The following SEC31A variants were observed in gnomAD, a reference collection of about 807,000 sequenced individuals.
SEC31A encodes the protein protein transport protein Sec31A.
A neutral mutation model predicts 151.0 loss-of-function variants in SEC31A; 70 were observed. The ratio of observed to expected loss-of-function variants is 0.46; its 90% CI spans 0.38 to 0.57. The LOEUF (loss-of-function observed/expected upper bound fraction) is 0.57. SEC31A is among the 20% of genes least tolerant of loss of function. The pLI is 0.00. For synonymous variants in SEC31A, 475 were observed against 505.9 expected, an observed-to-expected ratio of 0.94 and a Z score of 0.82; for missense variants, 1,330 against 1,471.2, an observed-to-expected ratio of 0.90 and a Z score of 1.57.
intron 22 of SEC31A, among the ~76,000 whole-genome samples, chr4:82,837,156 A>ATC (rs1484918366): frequency 1.3e-5 from 1 of 77,426 alleles, no homozygotes; most frequent in Non-Finnish European, 2.5e-5. Flanking sequence ...AATAAATTTT[A>ATC]TCATATATAT....
chr4:82,865,931 G>GGTTAA (rs1244988922), intron 10 of SEC31A, among the ~76,000 whole-genome samples: 2 of 151,652 alleles, frequency 1.3e-5, no homozygotes, highest in Non-Finnish European at 2.9e-5. Context: ...ATTTTAAAAT[G>GGTTAA]GTTAAGATAG....
chr4:82,886,730 C>T (rs1004320688), intron 1 of SEC31A, among the ~76,000 whole-genome samples: 2 of 152,148 alleles, frequency 1.3e-5, no homozygotes, highest in African/African-American at 2.4e-5. Flanking sequence ...AAATACTCCC[C>T]GACAAGTTTG....
intron 1 of SEC31A, among the ~76,000 whole-genome samples, chr4:82,883,896 C>CT (rs1228096191): frequency 1.4e-4 from 21 of 150,216 alleles, no homozygotes; most frequent in Non-Finnish European, 2.4e-4. Flanking sequence ...TGTATAACAT[C>CT]TTTTTTTTGT....
At chr4:82,895,374 C>G (rs1423295361), upstream of SEC31A, 4 of 152,160 alleles carry the variant, frequency 2.6e-5, no homozygotes, top group African/African-American at 9.7e-5. Context: ...GGAAGCTGGG[C>G]CACAATAACT....
chr4:82,871,041 A>T (rs1304510896), intron 7 of SEC31A, among the ~76,000 whole-genome samples: 1 of 152,170 alleles, frequency 6.6e-6, no homozygotes, highest in Non-Finnish European at 1.5e-5. Flanking sequence ...AAAATCAGCC[A>T]GTTATGGTGG....
At chr4:82,826,286 C>T (rs189701933) in intron 24 of SEC31A, among the ~76,000 whole-genome samples, 20 of 152,202 alleles carry the variant, frequency 1.3e-4, no homozygotes, top group Admixed American at 1.2e-3. Flanking sequence ...ACCATTTCTT[C>T]TCATCTTTGT....
intron 11 of SEC31A, among the ~76,000 whole-genome samples, chr4:82,863,867 G>A (rs578095094): frequency 3.5e-4 from 53 of 152,060 alleles, no homozygotes; most frequent in Admixed American, 1.5e-3. Flanking sequence ...AACCAGTACC[G>A]TATAAAGAAA....
In SEC31A at chr4:82,859,702, A is replaced by T. The variant is rs982004984; in HGVS notation, c.1626+1929T>A. On this transcript the variant is annotated intron_variant, in intron 14 of 26. Transcript: ENST00000395310. The stretch of plus-strand genomic sequence containing the variant: ...AGAAGCATTTGGAATTTAAAAACTA[A>T]AAGAAATTAAGAATTTAAGTTATTC... 2.4e-4 allele frequency among the ~76,000 whole-genome samples: 37 copies of T among 152,344 alleles called. 1 individual carries two copies. The highest frequency in any genetic ancestry group is 8.4e-4 in the African/African-American group (35 of 41,584).
intron 18 of SEC31A, among the ~76,000 whole-genome samples, chr4:82,852,463 C>T (rs890167311): frequency 1.3e-5 from 2 of 152,198 alleles, no homozygotes; most frequent in African/African-American, 4.8e-5. Flanking sequence ...GGGAGCTATG[C>T]TTCTGGTAGA....
intron 3 of SEC31A, among the ~76,000 whole-genome samples, chr4:82,896,780 C>A (rs1720080021): frequency 6.6e-6 from 1 of 152,152 alleles, no homozygotes; most frequent in Admixed American, 6.5e-5. Flanking sequence ...TGTCCAATTT[C>A]TTCTGTGCAG....
At chr4:82,820,807 A>C (rs901925967) in intron 26 of SEC31A, among the ~76,000 whole-genome samples, 14 of 152,096 alleles carry the variant, frequency 9.2e-5, no homozygotes, top group African/African-American at 3.4e-4. Context: ...TCTTGTTATG[A>C]GAGGGTTAAA....
intron 22 of SEC31A, among the ~76,000 whole-genome samples, chr4:82,841,066 A>G (rs1728609656): frequency 6.6e-6 from 1 of 152,194 alleles, no homozygotes; most frequent in Admixed American, 6.6e-5. Flanking sequence ...CTCTTTTGTA[A>G]TAACACTTAG....
At position 82,864,373 on chromosome 4, in the gene SEC31A, A is replaced by G. The variant is rs2149511994; in HGVS notation, c.1423T>C (p.Ser475Pro). The change falls in exon 11 of 27, where the codon TCC becomes CCC. Residue 475 changes from serine to proline, a missense_variant. Transcript: ENST00000395310. ...AACAGCAACTTTACCTTCAAAAAGG[A>G]CCACACATTTTTCTCAAATTCAGTC... ...SQTEFEKNVW[S>P]FLKVNFEDDS... The G allele has an allele frequency of 6.2e-7, 1 of 1,611,818 alleles. No homozygotes were observed. The highest frequency in any genetic ancestry group is 8.5e-7 in the Non-Finnish European group (1 of 1,177,896).
chr4:82,843,650 A>G (rs1222646384), intron 21 of SEC31A: 1 of 138,748 alleles, frequency 7.2e-6, no homozygotes, highest in African/African-American at 2.6e-5. Flanking sequence ...ACATTCATTA[A>G]ATTTTCCCCT....
At chr4:82,828,091 T>A (rs1459282208) in intron 23 of SEC31A, among the ~76,000 whole-genome samples, 1 of 152,150 alleles carries the variant, frequency 6.6e-6, no homozygotes, top group East Asian at 1.9e-4. Context: ...ATTTTTGTAT[T>A]TTTAGTAGAG....
At chr4:82,880,987 A>C in intron 2 of SEC31A, 65 bp from the exon 3 acceptor site, 3 of 1,396,964 alleles carry the variant, frequency 2.1e-6, no homozygotes, top group Non-Finnish European at 2.0e-6. Flanking sequence ...ACCATACAAA[A>C]CAGAAGTTAA....
intron 1 of SEC31A, among the ~76,000 whole-genome samples, chr4:82,888,964 T>TG (rs1741609316): frequency 6.6e-6 from 1 of 152,234 alleles, no homozygotes; most frequent in Non-Finnish European, 1.5e-5. Context: ...AATTGGAACT[T>TG]GGATTCCCAA....
intron 16 of SEC31A, among the ~76,000 whole-genome samples, chr4:82,855,878 C>G (rs1198293326): frequency 1.3e-5 from 2 of 152,082 alleles, no homozygotes; most frequent in African/African-American, 2.4e-5. Context: ...ACAACAAACC[C>G]CTATGACACG....
At chr4:82,898,050 GAGAGTA>G (rs2126006049) in intron 3 of SEC31A, 1 of 152,268 alleles carries the variant, frequency 6.6e-6, no homozygotes, top group African/African-American at 2.4e-5. Context: ...CAACATCTCT[GAGAGTA>G]CAATTCCTGA....
Sources: allele counts gnomAD v4.1 joint callset (sites outside exome capture counted in the v4.1 genomes callset), GRCh38; gene constraint gnomAD v4.1.1; transcripts MANE v1.5; gene names NCBI Gene and HGNC (gene_info 2026-07-23, HGNC 2026-07-21).